The following ZNF367 variants were observed in gnomAD, a reference collection of about 807,000 sequenced individuals.
The protein encoded by ZNF367 is C2H2 zinc finger protein ZFF29.
In ZNF367, 11 loss-of-function variants were observed where a neutral mutation model predicts 31.8. The ratio of observed to expected loss-of-function variants is 0.35; its 90% confidence interval spans 0.22 to 0.57. ZNF367 has a LOEUF of 0.57. Ranked by LOEUF, ZNF367 falls within the 20% of genes least tolerant of loss-of-function variation. The pLI is 0.85. For synonymous variants in ZNF367, 199 were observed against 202.4 expected, an observed-to-expected ratio of 0.98 and a Z score of 0.14; for missense variants, 353 against 484.1, an observed-to-expected ratio of 0.73 and a Z score of 2.54.
chr9:96,394,951 A>G lies in ZNF367; in HGVS notation c.572-9T>C, dbSNP rs1316048582. 2 of 1,613,596 alleles carry G rather than the reference A, an allele frequency of 1.2e-6. No individual in the cohort carries two copies. The highest frequency in any genetic ancestry group is 1.1e-5 in the South Asian group (1 of 91,062). ...CAGATAGGGCCTCTCACCTAAGTAG[A>G]CAGATGTTAGATATTATATCTGAGA... On this transcript the variant is annotated splice_polypyrimidine_tract_variant and intron_variant, in intron 2 of 4. Coordinates refer to ENST00000375256, the MANE Select transcript of ZNF367 (RefSeq NM_153695.4).
At chr9:96,408,105 T>C (rs1239617616) in intron 1 of ZNF367, among the ~76,000 whole-genome samples, 1 of 152,094 alleles carries the variant, frequency 6.6e-6, no homozygotes, top group Admixed American at 6.5e-5. Flanking sequence ...GAGATATACC[T>C]AATGTAAATG....
At chr9:96,414,474 A>G (rs190946240) in intron 1 of ZNF367, among the ~76,000 whole-genome samples, 44 of 152,238 alleles carry the variant, frequency 2.9e-4, no homozygotes, top group African/African-American at 8.9e-4. Flanking sequence ...AAACCCATGC[A>G]TCTTGTTAGC....
At chr9:96,395,055 T>G (rs1831514994) in intron 2 of ZNF367, 113 bp from the exon 3 acceptor site, 2 of 1,180,552 alleles carry the variant, frequency 1.7e-6, no homozygotes, top group Admixed American at 2.1e-5. Flanking sequence ...CAATAAAACA[T>G]GTCATGGCCC....
intron 1 of ZNF367, among the ~76,000 whole-genome samples, chr9:96,404,647 A>G (rs1831649672): frequency 6.6e-6 from 1 of 152,092 alleles, no homozygotes; most frequent in Admixed American, 6.6e-5. Context: ...AAAAAAAAAA[A>G]AGACTGTAAT....
intron 1 of ZNF367, among the ~76,000 whole-genome samples, chr9:96,412,708 T>C (rs1831766976): frequency 6.6e-6 from 1 of 150,792 alleles, no homozygotes; most frequent in Non-Finnish European, 1.5e-5. Context: ...TTTTTTTTTT[T>C]TTTTTGAGAC....
intron 1 of ZNF367, among the ~76,000 whole-genome samples, chr9:96,412,582 A>C (rs1179614147): frequency 6.6e-6 from 1 of 152,226 alleles, no homozygotes; most frequent in Non-Finnish European, 1.5e-5. Context: ...ACCTATCTTC[A>C]CAACTTCTCA....
intron 1 of ZNF367, among the ~76,000 whole-genome samples, chr9:96,410,173 T>C (rs1195028415): frequency 7.0e-6 from 1 of 143,268 alleles, no homozygotes; most frequent in East Asian, 2.1e-4. Flanking sequence ...TGAGGCAGAA[T>C]GGCGTGGACC....
chr9:96,414,167 C>A (rs1831787665), intron 1 of ZNF367, among the ~76,000 whole-genome samples: 1 of 152,140 alleles, frequency 6.6e-6, no homozygotes, highest in Non-Finnish European at 1.5e-5. Flanking sequence ...TTCTTGCCCC[C>A]ACAAAGCTTA....
At chr9:96,411,392 A>C (rs1227621424) in intron 1 of ZNF367, among the ~76,000 whole-genome samples, 1 of 151,688 alleles carries the variant, frequency 6.6e-6, no homozygotes, top group African/African-American at 2.4e-5. Context: ...CAAAAAAAAA[A>C]AAGGCCAGGT....
chr9:96,402,619 ATTTTTTTTT>A (rs61651699), intron 1 of ZNF367, among the ~76,000 whole-genome samples: 2 of 70,202 alleles, frequency 2.8e-5, no homozygotes, highest in African/African-American at 6.5e-5. Flanking sequence ...CGCCTGGCTA[ATTTTTTTTT>A]TTTTTTTTTT....
At chr9:96,400,454 C>T (rs1831588927) in intron 1 of ZNF367, among the ~76,000 whole-genome samples, 1 of 134,164 alleles carries the variant, frequency 7.5e-6, no homozygotes, top group East Asian at 2.2e-4. Context: ...ACCAGGAGAA[C>T]AATGTCTCAA....
At chr9:96,408,076 C>T (rs1831695803) in intron 1 of ZNF367, among the ~76,000 whole-genome samples, 1 of 151,754 alleles carries the variant, frequency 6.6e-6, no homozygotes, top group East Asian at 1.9e-4. Context: ...GTGGCGGGAG[C>T]GGGGAGGGAT....
intron 1 of ZNF367, among the ~76,000 whole-genome samples, chr9:96,415,432 T>C (rs1253531593): frequency 6.7e-6 from 1 of 148,542 alleles, no homozygotes; most frequent in Non-Finnish European, 1.5e-5. Context: ...CTGTAGCCTT[T>C]AGTAATACTC....
chr9:96,403,014 G>A (rs1174711204), intron 1 of ZNF367, among the ~76,000 whole-genome samples: 1 of 151,042 alleles, frequency 6.6e-6, no homozygotes, highest in Non-Finnish European at 1.5e-5. Flanking sequence ...CTGTTGCCCA[G>A]GCCCGAGTGC....
chr9:96,398,177 T>C lies in ZNF367; in HGVS notation c.558A>G (p.Lys186=). 5 of 1,606,376 alleles carry C rather than the reference T, an allele frequency of 3.1e-6. No homozygotes were observed. The highest frequency in any genetic ancestry group is 4.2e-6 in the Non-Finnish European group (5 of 1,176,504). The change falls in exon 2 of 5, where the codon AAA becomes AAG. Residue 186 remains lysine, a synonymous_variant. Coordinates refer to ENST00000375256, the MANE Select transcript of ZNF367 (RefSeq NM_153695.4). ...FPREKSLQAH[K]RTHTGERPYL... is the part of the protein sequence containing the mutation. ...TGCTCAACTTACCTGTATGAGTCCT[T>C]TTGTGAGCCTGGAGCGATTTCTCCC...
In ZNF367 at chr9:96,388,580, A is replaced by G. The variant is rs1055920373; in HGVS notation, c.831-121T>C. On this transcript the variant is annotated intron_variant, in intron 4 of 4. Coordinates refer to ENST00000375256, the MANE Select transcript of ZNF367 (RefSeq NM_153695.4). ...TATGTGGTTCAGTTTATAAAGTTAT[A>G]AAGTGATTTAACATAAATTTCCTAT... 11 of 919,216 alleles carry G rather than the reference A, an allele frequency of 1.2e-5. 1 individual carries two copies. In the Admixed American group the frequency reaches 3.4e-4, roughly 29 times the overall value. 56.9% of individuals were successfully genotyped at this position (919,216 alleles called of 1,614,324 possible).
chr9:96,413,302 C>G (rs1831775730), intron 1 of ZNF367, among the ~76,000 whole-genome samples: 1 of 152,122 alleles, frequency 6.6e-6, no homozygotes, highest in South Asian at 2.1e-4. Flanking sequence ...TTACTCTGTG[C>G]CAGGCAATAA....
At chr9:96,407,469 A>G (rs1831685315) in intron 1 of ZNF367, 3 of 1,337,370 alleles carry the variant, frequency 2.2e-6, no homozygotes, top group Non-Finnish European at 3.2e-6. Flanking sequence ...TATAAATGAA[A>G]AAAAGACTAT....
chr9:96,407,321 G>T (rs13301347), intron 1 of ZNF367: 2 of 1,566,702 alleles, frequency 1.3e-6, no homozygotes, highest in Admixed American at 1.7e-5. Flanking sequence ...CACCGTAAAC[G>T]CTATGGATAC....
Sources: gnomAD v4.1 joint callset for allele counts (sites outside exome capture counted in the v4.1 genomes callset) on GRCh38, gnomAD v4.1.1 for gene constraint, MANE v1.5 for transcripts, NCBI Gene and HGNC (gene_info 2026-07-23, HGNC 2026-07-21) for gene names.